The following MEGF11 variants were observed in gnomAD, a reference collection of about 807,000 sequenced individuals.
MEGF11 encodes the protein multiple epidermal growth factor-like domains protein 11.
Under a neutral mutation model 146.6 loss-of-function variants are expected in MEGF11, and 126 were observed. The ratio of observed to expected loss-of-function variants is 0.86; its 90% CI spans 0.74 to 1.00. MEGF11 has a LOEUF of 1.00. MEGF11 is among the 50% of genes least tolerant of loss of function. MEGF11 has a pLI of 0.00. For missense variants in MEGF11, 1,509 were observed against 1,521.2 expected (o/e 0.99, Z 0.13); for synonymous variants, 532 against 583.4 (o/e 0.91, Z 1.27).
intron 5 of MEGF11, among the ~76,000 whole-genome samples, chr15:66,002,136 T>G (rs956479308): frequency 1.3e-5 from 2 of 152,144 alleles, no homozygotes; most frequent in African/African-American, 4.8e-5. Flanking sequence ...TTTTCTTGCC[T>G]GCATCTTGGT....
chr15:66,077,587 C>G (rs1174760801), intron 5 of MEGF11, among the ~76,000 whole-genome samples: 1 of 152,230 alleles, frequency 6.6e-6, no homozygotes, highest in Non-Finnish European at 1.5e-5. Context: ...CTACCAGATT[C>G]CATGTAACAC....
intron 1 of MEGF11, among the ~76,000 whole-genome samples, chr15:66,130,730 G>GAGGGAGGAAGGAAGGAAGGA (rs56371892): frequency 0.065 from 9,145 of 140,874 alleles, 422 homozygotes; most frequent in African/African-American, 0.089. Context: ...AAGAGGGAGG[G>GAGGGAGGAAGGAAGGAAGGA]AGGAAGGAAG....
chr15:66,074,507 C>A (rs1485535826), intron 5 of MEGF11, among the ~76,000 whole-genome samples: 1 of 152,236 alleles, frequency 6.6e-6, no homozygotes, highest in African/African-American at 2.4e-5. Flanking sequence ...GTTTTTCAAA[C>A]TGCAGTTGTA....
chr15:66,007,054 G>A (rs2082540980), intron 5 of MEGF11, among the ~76,000 whole-genome samples: 1 of 152,206 alleles, frequency 6.6e-6, no homozygotes, highest in Admixed American at 6.5e-5. Flanking sequence ...GCTAATTCAG[G>A]TTCGGATTCA....
chr15:66,219,060 G>A (rs1016237917), intron 1 of MEGF11, among the ~76,000 whole-genome samples: 1 of 145,148 alleles, frequency 6.9e-6, no homozygotes, highest in African/African-American at 2.6e-5. Context: ...TATAGGGAGA[G>A]ATGTAATGTT....
chr15:65,914,160 G>T (rs987338402), intron 19 of MEGF11, 187 bp from the exon 20 acceptor site: 8 of 591,720 alleles, frequency 1.4e-5, no homozygotes, highest in Non-Finnish European at 2.4e-5. Context: ...AGGGGATGGA[G>T]TCTCAGGGTC....
chr15:66,036,158 C>T (rs561279104), intron 5 of MEGF11, among the ~76,000 whole-genome samples: 11 of 152,376 alleles, frequency 7.2e-5, no homozygotes, highest in Middle Eastern at 6.8e-3. Flanking sequence ...CAGTGATAAC[C>T]ACCCCAGGTC....
chr15:66,247,867 T>A (rs760629773), intron 1 of MEGF11, among the ~76,000 whole-genome samples: 1 of 151,430 alleles, frequency 6.6e-6, no homozygotes, highest in Non-Finnish European at 1.5e-5. Flanking sequence ...AGAAACCCCA[T>A]CTCTACTAAA....
intron 5 of MEGF11, among the ~76,000 whole-genome samples, chr15:66,011,321 C>T (rs942881699): frequency 1.3e-5 from 2 of 152,136 alleles, no homozygotes; most frequent in African/African-American, 4.8e-5. Context: ...AGGCCTGGCT[C>T]CCTTCCTGGG....
At chr15:66,055,047 T>G (rs1024300805) in intron 5 of MEGF11, among the ~76,000 whole-genome samples, 2 of 152,170 alleles carry the variant, frequency 1.3e-5, no homozygotes, top group African/African-American at 4.8e-5. Context: ...AGAATCTGGG[T>G]GACTGGGTAG....
At chr15:66,099,327 C>A (rs1567239696) in intron 4 of MEGF11, among the ~76,000 whole-genome samples, 1 of 151,278 alleles carries the variant, frequency 6.6e-6, no homozygotes, top group Non-Finnish European at 1.5e-5. Context: ...GGATTACAGG[C>A]ACGCGCCACC....
intron 5 of MEGF11, among the ~76,000 whole-genome samples, chr15:66,000,853 G>GAGGTAGGA (rs1008921847): frequency 6.6e-6 from 1 of 152,236 alleles, no homozygotes; most frequent in African/African-American, 2.4e-5. Context: ...GAAGGCACTT[G>GAGGTAGGA]AGGTAGGAAG....
chr15:65,991,353 G>A (rs2141760366), intron 5 of MEGF11, among the ~76,000 whole-genome samples: 1 of 152,222 alleles, frequency 6.6e-6, no homozygotes, highest in Non-Finnish European at 1.5e-5. Context: ...ATTCCAAAGA[G>A]GATCTGAGGT....
intron 1 of MEGF11, among the ~76,000 whole-genome samples, chr15:66,248,177 TG>T (rs1470099822): frequency 6.6e-6 from 1 of 152,158 alleles, no homozygotes; most frequent in Non-Finnish European, 1.5e-5. Context: ...ATATAACACC[TG>T]GAAATGTTGC....
intron 1 of MEGF11, among the ~76,000 whole-genome samples, chr15:66,245,551 G>C (rs913879388): frequency 3.3e-5 from 5 of 151,992 alleles, no homozygotes; most frequent in African/African-American, 1.2e-4. Context: ...AAGATAGCTT[G>C]AGCCCAGGTG....
intron 1 of MEGF11, among the ~76,000 whole-genome samples, chr15:66,233,686 G>A (rs1343727844): frequency 6.6e-6 from 1 of 152,096 alleles, no homozygotes; most frequent in Non-Finnish European, 1.5e-5. Flanking sequence ...CTGTCTAGGT[G>A]CCCACTTCTC....
chr15:66,066,311 C>A (rs544428188), intron 5 of MEGF11, among the ~76,000 whole-genome samples: 4 of 150,310 alleles, frequency 2.7e-5, no homozygotes, highest in Middle Eastern at 3.4e-3. Flanking sequence ...AACACCAGAG[C>A]CCCCCAGTTG....
At chr15:65,971,010 G>GC in intron 7 of MEGF11, 1 of 365,712 alleles carries the variant, frequency 2.7e-6, no homozygotes, top group Non-Finnish European at 5.1e-6. Context: ...TAAGTACAAG[G>GC]CAGTAAGTAC....
chr15:65,957,488 G>T lies in MEGF11; in HGVS notation c.1287+59C>A. On this transcript the variant is annotated intron_variant, in intron 10 of 25. Coordinates refer to ENST00000395614, the MANE Select transcript of MEGF11 (RefSeq NM_001385028.1). ...GCCACAGTCCTGATTGCACCAGGAG[G>T]TGAGGGGAACTGGCCCGGTGGAGGT... The T allele has an allele frequency of 5.3e-6, 8 of 1,521,354 alleles. No individual in the cohort carries two copies. The South Asian group carries it at 8.6e-5, about 16-fold the overall frequency. The allele number at this position is 1,521,354 out of a possible 1,614,324, so 94.2% of individuals were successfully genotyped here.
Sources: gnomAD v4.1 joint callset for allele counts (sites outside exome capture counted in the v4.1 genomes callset) on GRCh38, gnomAD v4.1.1 for gene constraint, MANE v1.5 for transcripts, NCBI Gene and HGNC (gene_info 2026-07-23, HGNC 2026-07-21) for gene names.